The following PLD5 variants were observed in gnomAD, a reference collection of about 807,000 sequenced individuals.
PLD5 encodes the protein inactive phospholipase D5.
In PLD5, 36 loss-of-function variants were observed where a neutral mutation model predicts 61.1. The ratio of observed to expected loss-of-function variants is 0.59; its 90% confidence interval spans 0.45 to 0.78. The LOEUF (loss-of-function observed/expected upper bound fraction) is 0.78. PLD5 is among the 30% of genes least tolerant of loss of function. The pLI is 0.00. For synonymous variants in PLD5, 243 were observed against 242.8 expected (o/e 1.00, Z -0.01); for missense variants, 515 against 644.4 (o/e 0.80, Z 2.17).
intron 1 of PLD5, among the ~76,000 whole-genome samples, chr1:242,508,902 A>C (rs531031934): frequency 2.0e-5 from 3 of 152,232 alleles, no homozygotes; most frequent in Middle Eastern, 3.4e-3. Context: ...CCAACGTGGG[A>C]AAACCCCATC....
chr1:242,146,393 T>C (rs1664542626), intron 5 of PLD5, among the ~76,000 whole-genome samples: 1 of 152,226 alleles, frequency 6.6e-6, no homozygotes, highest in Non-Finnish European at 1.5e-5. Flanking sequence ...AAAGGTAGTG[T>C]GATTTTTCTA....
At chr1:242,452,503 G>T (rs1046748299) in intron 1 of PLD5, among the ~76,000 whole-genome samples, 1 of 152,000 alleles carries the variant, frequency 6.6e-6, no homozygotes, top group African/African-American at 2.4e-5. Flanking sequence ...ATAGTAGTTC[G>T]TATACCTTCA....
rs750134039 is a variant in PLD5, at chr1:242,084,485, G to C, written c.*5369C>G. 14 of 152,100 alleles carry C rather than the reference G, an allele frequency of 9.2e-5. No homozygotes were observed. Among genetic ancestry groups the C allele is most frequent in the Non-Finnish European group, 1.3e-4 (9 of 68,030 alleles). The allele number at this position is 152,100 out of a possible 1,614,324, so 9.4% of individuals were successfully genotyped here. ...CCATATAAAGCACTCCAAATTGTTT[G>C]GCTCAAGTAGGTTTTCAGCTTCTCA... On this transcript the variant is annotated 3_prime_UTR_variant, in exon 10 of 10. Coordinates refer to ENST00000536534, the MANE Select transcript of PLD5 (RefSeq NM_001372062.1).
intron 1 of PLD5, among the ~76,000 whole-genome samples, chr1:242,429,662 T>C (rs1420463259): frequency 6.6e-6 from 1 of 152,226 alleles, no homozygotes; most frequent in Non-Finnish European, 1.5e-5. Flanking sequence ...TTACTTCTTA[T>C]CATGAGTACA....
intron 4 of PLD5, among the ~76,000 whole-genome samples, chr1:242,259,041 G>T (rs1673237811): frequency 6.6e-6 from 1 of 152,224 alleles, no homozygotes; most frequent in Non-Finnish European, 1.5e-5. Flanking sequence ...AGATAGTCAA[G>T]AAGCAATTGT....
intron 4 of PLD5, among the ~76,000 whole-genome samples, chr1:242,226,772 AT>A (rs1670973403): frequency 1.3e-5 from 2 of 152,202 alleles, no homozygotes; most frequent in Admixed American, 1.3e-4. Flanking sequence ...CTTCATTGAA[AT>A]TTAATAGAGA....
intron 1 of PLD5, among the ~76,000 whole-genome samples, chr1:242,447,715 A>T (rs1666602852): frequency 1.3e-5 from 2 of 151,958 alleles, no homozygotes; most frequent in Admixed American, 1.3e-4. Context: ...CCCTTCCACA[A>T]CTCCAAAGGA....
chr1:242,400,725 G>A (rs563237972), intron 1 of PLD5, among the ~76,000 whole-genome samples: 45 of 152,008 alleles, frequency 3.0e-4, no homozygotes, highest in African/African-American at 1.0e-3. Context: ...CCCACCACCC[G>A]CCTGCTTTTC....
chr1:242,089,792 T>C lies in PLD5; in HGVS notation c.*62A>G. ...GAGACATATTAAAGTGTTTTTTCTCTCCTCAAGTCCTTTATGTATAAATAT... is the reference window on the plus strand; with the variant it reads ...GAGACATATTAAAGTGTTTTTTCTCCCCTCAAGTCCTTTATGTATAAATAT... On this transcript the variant is annotated 3_prime_UTR_variant, in exon 10 of 10. Transcript: ENST00000536534. 3 of 1,585,404 alleles carry C rather than the reference T, an allele frequency of 1.9e-6. No homozygotes were observed. Among genetic ancestry groups the C allele is most frequent in the Non-Finnish European group, 2.6e-6 (3 of 1,162,878 alleles).
intron 1 of PLD5, among the ~76,000 whole-genome samples, chr1:242,364,522 G>C (rs1000673234): frequency 6.6e-6 from 1 of 152,012 alleles, no homozygotes; most frequent in African/African-American, 2.4e-5. Context: ...TTCGAGACCA[G>C]CCTGGCCAAC....
intron 1 of PLD5, among the ~76,000 whole-genome samples, chr1:242,469,083 A>C (rs1667362960): frequency 6.6e-6 from 1 of 152,232 alleles, no homozygotes; most frequent in African/African-American, 2.4e-5. Context: ...TCCCCCTGGA[A>C]ATGGACATCT....
At position 242,279,099 on chromosome 1, in the gene PLD5, C is replaced by A. The variant is rs573117149; in HGVS notation, c.495+9263G>T. On this transcript the variant is annotated intron_variant, in intron 3 of 9. Transcript: ENST00000536534. The stretch of plus-strand genomic sequence containing the variant: ...GACAATAACACCAGCAGGATAAATA[C>A]GATGTGGGTCCTAGAGTCCAGGGCT... Among the ~76,000 whole-genome samples, 3 of 152,326 alleles carry A rather than the reference C, an allele frequency of 2.0e-5. No homozygotes were observed. In the South Asian group the frequency reaches 6.2e-4, roughly 32 times the overall value.
intron 1 of PLD5, among the ~76,000 whole-genome samples, chr1:242,485,876 A>G (rs1667942183): frequency 6.6e-6 from 1 of 152,008 alleles, no homozygotes; most frequent in Non-Finnish European, 1.5e-5. Flanking sequence ...GATATAGACC[A>G]ATAGAACAGA....
intron 4 of PLD5, among the ~76,000 whole-genome samples, chr1:242,223,108 G>T (rs993001049): frequency 6.6e-6 from 1 of 152,168 alleles, no homozygotes; most frequent in African/African-American, 2.4e-5. Flanking sequence ...GTCTAGTGAA[G>T]GTCGACTTTC....
chr1:242,451,067 T>C (rs1666758041), intron 1 of PLD5, among the ~76,000 whole-genome samples: 1 of 152,198 alleles, frequency 6.6e-6, no homozygotes, highest in Non-Finnish European at 1.5e-5. Flanking sequence ...CCTTGGGCCA[T>C]GCCCACTTAT....
In PLD5 at chr1:242,357,400, G is replaced by A. The variant is rs1160408459; in HGVS notation, c.190-9158C>T. Among the ~76,000 whole-genome samples the A allele has an allele frequency of 2.0e-5, 3 of 150,050 alleles. No individual in the cohort carries two copies. The East Asian group carries it at 5.9e-4, about 30-fold the overall frequency. On this transcript the variant is annotated intron_variant, in intron 1 of 9. Transcript: ENST00000536534. The stretch of plus-strand genomic sequence containing the variant: ...TAGTTTGATTATTATATGTCTTGGT[G>A]AACTCCTTTTTGGGTTGAACTTAGT...
intron 5 of PLD5, among the ~76,000 whole-genome samples, chr1:242,166,188 T>G (rs886970536): frequency 9.9e-5 from 15 of 152,082 alleles, no homozygotes; most frequent in Non-Finnish European, 1.6e-4. Flanking sequence ...CAGGCAGGCA[T>G]AAACTGGACA....
intron 3 of PLD5, among the ~76,000 whole-genome samples, chr1:242,283,050 G>A (rs976531547): frequency 3.3e-5 from 5 of 152,090 alleles, no homozygotes; most frequent in African/African-American, 1.2e-4. Context: ...GGTTTTTCAG[G>A]GTGGAAACCC....
chr1:242,500,343 T>TGGTTAAACC (rs1207405557), intron 1 of PLD5, among the ~76,000 whole-genome samples: 1 of 152,240 alleles, frequency 6.6e-6, no homozygotes, highest in Non-Finnish European at 1.5e-5. Flanking sequence ...ACAGTTTATT[T>TGGTTAAACC]GGTTAAACCG....
Sources: allele counts gnomAD v4.1 joint callset (sites outside exome capture counted in the v4.1 genomes callset), GRCh38; gene constraint gnomAD v4.1.1; transcripts MANE v1.5; gene names NCBI Gene and HGNC (gene_info 2026-07-23, HGNC 2026-07-21).